Variants in ZNF383 observed in about 807,000 individuals in gnomAD.
ZNF383 encodes the protein zinc finger protein 383.
ZNF383 carries 32 observed loss-of-function variants against 44.2 expected under a neutral mutation model. The ratio of observed to expected loss-of-function variants is 0.72; its 90% CI spans 0.55 to 0.97. The LOEUF (loss-of-function observed/expected upper bound fraction) is 0.97. ZNF383 is among the 50% of genes least tolerant of loss of function. The pLI is 0.00. For missense variants in ZNF383, 487 were observed against 562.5 expected, an observed-to-expected ratio of 0.87 and a Z score of 1.36; for synonymous variants, 155 against 186.2, an observed-to-expected ratio of 0.83 and a Z score of 1.36.
intron 1 of ZNF383, among the ~76,000 whole-genome samples, chr19:37,222,373 A>C (rs1435742194): frequency 6.6e-6 from 1 of 152,066 alleles, no homozygotes; most frequent in Non-Finnish European, 1.5e-5. Flanking sequence ...TGTTGTATGA[A>C]TATAACACTT....
chr19:37,246,198 A>T lies in ZNF383; in HGVS notation c.*2534A>T, dbSNP rs1873207845. The T allele has an allele frequency of 6.6e-6, 1 of 152,190 alleles. No homozygotes were observed. The highest frequency in any genetic ancestry group is 2.1e-4 in the South Asian group (1 of 4,828). 9.4% of individuals were successfully genotyped at this position (152,190 alleles called of 1,614,324 possible). On this transcript the variant is annotated 3_prime_UTR_variant, in exon 6 of 6. Coordinates refer to ENST00000684119, the MANE Select transcript of ZNF383 (RefSeq NM_001387601.1). Reference sequence around the variant, plus strand: ...AATTAATAAATGCAAAGTACCTCAAACTGTTATCACATAATACAGGTTTAG... The same window carrying T: ...AATTAATAAATGCAAAGTACCTCAATCTGTTATCACATAATACAGGTTTAG...
chr19:37,242,361 A>G (rs1435640319), intron 5 of ZNF383, 108 bp from the exon 6 acceptor site: 1 of 677,490 alleles, frequency 1.5e-6, no homozygotes, highest in African/African-American at 1.8e-5. Context: ...ACCCTGTGTC[A>G]TTTACCTAGT....
At chr19:37,236,184 C>A (rs889194509) in intron 5 of ZNF383, 110 bp downstream of exon 5, 11 of 728,218 alleles carry the variant, frequency 1.5e-5, no homozygotes, top group African/African-American at 5.3e-5. Context: ...CATCAAGAAA[C>A]TAGGCCAGTG....
chr19:37,224,227 A>G (rs1246614820), intron 1 of ZNF383, among the ~76,000 whole-genome samples: 3 of 152,192 alleles, frequency 2.0e-5, no homozygotes, highest in Admixed American at 2.0e-4. Context: ...TTTGCTGTAC[A>G]TAACGAACAT....
chr19:37,242,670 C>T lies in ZNF383; in HGVS notation c.434C>T (p.Pro145Leu). The T allele has an allele frequency of 3.7e-6, 6 of 1,613,970 alleles. No homozygotes were observed. Among genetic ancestry groups the T allele is most frequent in the Non-Finnish European group, 5.1e-6 (6 of 1,179,858 alleles). The change falls in exon 6 of 6, where the codon CCT becomes CTT. Residue 145 changes from proline (P) to leucine (L), a missense_variant. Coordinates refer to ENST00000684119, the MANE Select transcript of ZNF383 (RefSeq NM_001387601.1). ...NGHFSQEIFT[P>L]EYMPTFIQQT... ...CATTTTAGTCAAGAAATATTCACTCCTGAATACATGCCCACATTTATTCAA... is the reference window on the plus strand; with the variant it reads ...CATTTTAGTCAAGAAATATTCACTCTTGAATACATGCCCACATTTATTCAA...
At chr19:37,220,952 C>T (rs2145469245) in intron 1 of ZNF383, among the ~76,000 whole-genome samples, 1 of 152,252 alleles carries the variant, frequency 6.6e-6, no homozygotes, top group Non-Finnish European at 1.5e-5. Flanking sequence ...TTGTTAGCCT[C>T]ACTCTCGCTG....
In ZNF383 at chr19:37,247,963, T is replaced by G. The variant is rs1599813825; in HGVS notation, c.*4299T>G. On this transcript the variant is annotated 3_prime_UTR_variant, in exon 6 of 6. Coordinates refer to ENST00000684119, the MANE Select transcript of ZNF383 (RefSeq NM_001387601.1). ...CAGCCTGACCAACATGGAGAAACCC[T>G]GTCTCTACTAAAAATACAAAAAATT... 6.6e-6 allele frequency: 1 copy of G among 151,922 alleles called. No individual in the cohort carries two copies. Among genetic ancestry groups the G allele is most frequent in the East Asian group, 1.9e-4 (1 of 5,130 alleles). The allele number at this position is 151,922 out of a possible 1,614,324, so 9.4% of individuals were successfully genotyped here. A position where few individuals can be genotyped will look rare whatever the true frequency, so the allele number is the denominator to read the frequency against.
chr19:37,240,797 G>A (rs1191579716), intron 5 of ZNF383, among the ~76,000 whole-genome samples: 5 of 152,012 alleles, frequency 3.3e-5, no homozygotes, highest in Non-Finnish European at 5.9e-5. Context: ...ATAACCCGCT[G>A]TTACCAATTC....
chr19:37,239,630 T>C (rs1973981811), intron 5 of ZNF383, among the ~76,000 whole-genome samples: 1 of 152,108 alleles, frequency 6.6e-6, no homozygotes, highest in Admixed American at 6.6e-5. Flanking sequence ...GCCACAGCAT[T>C]CAGCCTTTGC....
intron 2 of ZNF383, among the ~76,000 whole-genome samples, chr19:37,230,004 ATTTGTGTGAGTCT>A (rs1568523989): frequency 6.6e-6 from 1 of 151,762 alleles, no homozygotes; most frequent in Non-Finnish European, 1.5e-5. Context: ...AAAGGGCACC[ATTTGTGTGAGTCT>A]GGTTTGGGGA....
chr19:37,233,882 G>A (rs558839642), intron 3 of ZNF383, among the ~76,000 whole-genome samples: 9 of 148,740 alleles, frequency 6.1e-5, no homozygotes, highest in South Asian at 2.1e-4. Flanking sequence ...TTATTTTTTC[G>A]AGACGGAGTT....
chr19:37,224,154 A>G (rs981562824), intron 1 of ZNF383, among the ~76,000 whole-genome samples: 1 of 152,198 alleles, frequency 6.6e-6, no homozygotes, highest in Non-Finnish European at 1.5e-5. Flanking sequence ...AATAATAAGA[A>G]TAAAAGCCCA....
chr19:37,248,280 A>G lies in ZNF383; in HGVS notation c.*4616A>G, dbSNP rs1484461658. 6.6e-6 allele frequency: 1 copy of G among 152,248 alleles called. No homozygotes were observed. Among genetic ancestry groups the G allele is most frequent in the African/African-American group, 2.4e-5 (1 of 41,474 alleles). The allele number at this position is 152,248 out of a possible 1,614,324, so 9.4% of individuals were successfully genotyped here. On this transcript the variant is annotated 3_prime_UTR_variant, in exon 6 of 6. Transcript: ENST00000684119. ...ACTCTTCTAGGACATAGACTGAGAT[A>G]GCAAATTATCTATTTTTAAAATTTG... is the stretch of plus-strand genomic sequence containing the variant.
intron 3 of ZNF383, 40 bp downstream of exon 3, chr19:37,230,502 TAAAAA>T: frequency 6.8e-7 from 1 of 1,481,226 alleles, no homozygotes; most frequent in South Asian, 1.2e-5. Flanking sequence ...ACATTTAGTT[TAAAAA>T]AAAAAAAAAG....
rs1973771001 is a variant in ZNF383, at chr19:37,235,977, A to G, written c.137-2A>G. 2 of 1,610,484 alleles carry G rather than the reference A, an allele frequency of 1.2e-6. No individual in the cohort carries two copies. The highest frequency in any genetic ancestry group is 4.5e-5 in the East Asian group (2 of 44,844). ...ATGTTCCATATCTTTTCTCGTGAGC[A>G]GGACTTTACACTCCTAAGCCTCAAG... On this transcript the variant is annotated splice_acceptor_variant, in intron 4 of 5. Transcript: ENST00000684119. LOFTEE classifies it high-confidence loss of function.
At chr19:37,222,675 GCCGAATATAACACATTTTACTT>G (rs1443055149) in intron 1 of ZNF383, among the ~76,000 whole-genome samples, 1 of 152,158 alleles carries the variant, frequency 6.6e-6, no homozygotes, top group Non-Finnish European at 1.5e-5. Context: ...ACCGTGCCCG[GCCGAATATAACACATTTTACTT>G]ATCCATTCCA....
rs1445074706 is a variant in ZNF383, at chr19:37,248,289, T to C, written c.*4625T>C. On this transcript the variant is annotated 3_prime_UTR_variant, in exon 6 of 6. Transcript: ENST00000684119. ...GGACATAGACTGAGATAGCAAATTA[T>C]CTATTTTTAAAATTTGTCATAATCC... is the stretch of plus-strand genomic sequence containing the variant. 5.9e-5 allele frequency: 9 copies of C among 152,374 alleles called. No individual in the cohort carries two copies. Among genetic ancestry groups the C allele is most frequent in the African/African-American group, 1.9e-4 (8 of 41,590 alleles). 9.4% of individuals were successfully genotyped at this position (152,374 alleles called of 1,614,324 possible).
intron 1 of ZNF383, among the ~76,000 whole-genome samples, chr19:37,222,504 G>A (rs919910244): frequency 6.6e-6 from 1 of 152,062 alleles, no homozygotes; most frequent in African/African-American, 2.4e-5. Context: ...AGCCTCTCAA[G>A]TAGCTGAGAT....
chr19:37,231,520 AAAAT>A lies in ZNF383; in HGVS notation c.9+1066_9+1069del, dbSNP rs1281081888. On this transcript the variant is annotated intron_variant, in intron 3 of 5. Coordinates refer to ENST00000684119, the MANE Select transcript of ZNF383 (RefSeq NM_001387601.1). The stretch of plus-strand genomic sequence containing the variant: ...GCCTGAGCAACATCTCAAAAAAATA[AAAAT>A]AAATAAAATAACTTTACATATAACT... Among the ~76,000 whole-genome samples, 3 of 152,198 alleles carry A rather than the reference AAAAT, an allele frequency of 2.0e-5. No individual in the cohort carries two copies. The South Asian group carries it at 6.2e-4, about 31-fold the overall frequency.
Sources: gnomAD v4.1 joint callset for allele counts (sites outside exome capture counted in the v4.1 genomes callset) on GRCh38, gnomAD v4.1.1 for gene constraint, MANE v1.5 for transcripts, NCBI Gene and HGNC (gene_info 2026-07-23, HGNC 2026-07-21) for gene names.